HMGB1: variants seen among roughly 807,000 people sequenced by gnomAD.
HMGB1 encodes high mobility group box 1.
For synonymous variants in HMGB1, 81 were observed against 84.0 expected, an observed-to-expected ratio of 0.96 and a Z score of 0.19; for missense variants, 79 against 253.5, an observed-to-expected ratio of 0.31 and a Z score of 4.67.
At chr13:30,466,349 C>T (rs1484353410), upstream of HMGB1, among the ~76,000 whole-genome samples, 3 of 151,668 alleles carry the variant, frequency 2.0e-5, no homozygotes, top group Non-Finnish European at 4.4e-5. Flanking sequence ...GATAAGAGGC[C>T]CCAGGCTTTT....
At chr13:30,475,196 C>T (rs1321117503) in intron 1 of HMGB1, among the ~76,000 whole-genome samples, 1 of 110,148 alleles carries the variant, frequency 9.1e-6, no homozygotes, top group African/African-American at 3.7e-5. Flanking sequence ...TGCAGTGATG[C>T]GACTTCAGCT....
chr13:30,554,930 T>A (rs1869610661), intron 1 of HMGB1, among the ~76,000 whole-genome samples: 1 of 151,956 alleles, frequency 6.6e-6, no homozygotes. Flanking sequence ...CCTTCTAGAT[T>A]GCCTCACAGT....
intron 1 of HMGB1, among the ~76,000 whole-genome samples, chr13:30,603,097 G>A (rs530128516): frequency 1.3e-4 from 20 of 152,276 alleles, no homozygotes; most frequent in Admixed American, 5.2e-4. Flanking sequence ...ATAAGCCACC[G>A]TGCAGCCTTA....
chr13:30,534,263 T>G (rs1233915776), intron 1 of HMGB1, among the ~76,000 whole-genome samples: 1 of 152,234 alleles, frequency 6.6e-6, no homozygotes, highest in South Asian at 2.1e-4. Flanking sequence ...CCATTTCCCC[T>G]GCTCACTCAG....
chr13:30,504,416 T>C (rs1396787373), intron 1 of HMGB1, among the ~76,000 whole-genome samples: 3 of 152,268 alleles, frequency 2.0e-5, no homozygotes, highest in Non-Finnish European at 2.9e-5. Context: ...TTCAGTGCTC[T>C]GATACTTCTT....
At chr13:30,525,903 C>T (rs1888355982) in intron 1 of HMGB1, among the ~76,000 whole-genome samples, 1 of 152,042 alleles carries the variant, frequency 6.6e-6, no homozygotes, top group African/African-American at 2.4e-5. Flanking sequence ...CGTCATGTTG[C>T]CCAGGCTGGT....
intron 1 of HMGB1, among the ~76,000 whole-genome samples, chr13:30,518,846 C>CA (rs58109089): frequency 0.092 from 8,202 of 88,856 alleles, 350 homozygotes; most frequent in African/African-American, 0.16. Context: ...GCTGGGACCA[C>CA]AAAAAAAAAA....
In HMGB1 at chr13:30,601,509, G is replaced by A. The variant is rs1270753121; in HGVS notation, c.-15+15162C>T. Among the ~76,000 whole-genome samples the A allele has an allele frequency of 1.6e-3, 61 of 38,534 alleles. 15 individuals carry two copies. Among genetic ancestry groups the A allele is most frequent in the Non-Finnish European group, 2.7e-3 (58 of 21,616 alleles). The allele number at this position is 38,534 out of a possible 152,430, so 25.3% of individuals were successfully genotyped here. A position where few individuals can be genotyped will look rare whatever the true frequency, so the allele number is the denominator to read the frequency against. ...GCCTGTAATCCCAGCACTTTGGGAG[G>A]CCGAGGCGGGCGGATCACGAGGTCA... On this transcript the variant is annotated intron_variant, in intron 1 of 4. Coordinates refer to the HMGB1 transcript ENST00000405805.
chr13:30,613,903 A>G (rs1207956059), intron 1 of HMGB1, among the ~76,000 whole-genome samples: 1 of 152,168 alleles, frequency 6.6e-6, no homozygotes, highest in Non-Finnish European at 1.5e-5. Flanking sequence ...TGGAAAAAAA[A>G]AACACCTAAA....
intron 1 of HMGB1, among the ~76,000 whole-genome samples, chr13:30,478,769 T>C (rs1240266909): frequency 6.6e-6 from 1 of 152,156 alleles, no homozygotes; most frequent in Non-Finnish European, 1.5e-5. Context: ...TGGGCTCAAG[T>C]GATCTTCCCA....
intron 1 of HMGB1, among the ~76,000 whole-genome samples, chr13:30,518,881 C>T (rs894777197): frequency 6.6e-6 from 1 of 150,634 alleles, no homozygotes; most frequent in African/African-American, 2.4e-5. Flanking sequence ...GCCACCACAC[C>T]CAGCTAATTT....
chr13:30,539,643 A>C (rs1276709647), intron 1 of HMGB1: 1 of 306,506 alleles, frequency 3.3e-6, no homozygotes, highest in East Asian at 1.0e-4. Flanking sequence ...AGGGTCCTGA[A>C]AAGGATTGGT....
At chr13:30,461,604 G>T in intron 4 of HMGB1, 71 bp from the exon 5 acceptor site, 1 of 1,572,360 alleles carries the variant, frequency 6.4e-7, no homozygotes, top group East Asian at 2.3e-5. Context: ...GAACATGGCA[G>T]AACTTTATGA....
chr13:30,487,752 A>T (rs1411433749), intron 1 of HMGB1, among the ~76,000 whole-genome samples: 1 of 152,264 alleles, frequency 6.6e-6, no homozygotes, highest in Non-Finnish European at 1.5e-5. Flanking sequence ...GAAGGAAAAC[A>T]GTATTGCTTG....
At chr13:30,606,507 G>GA (rs1377053646) in intron 1 of HMGB1, among the ~76,000 whole-genome samples, 2 of 152,238 alleles carry the variant, frequency 1.3e-5, no homozygotes, top group South Asian at 2.1e-4. Flanking sequence ...AAAGCAAAAT[G>GA]AATTTCCTAA....
chr13:30,597,857 A>G (rs1423331036), intron 1 of HMGB1, among the ~76,000 whole-genome samples: 1 of 152,134 alleles, frequency 6.6e-6, no homozygotes, highest in East Asian at 1.9e-4. Flanking sequence ...CCTGGTGTGT[A>G]GGGTTAACAA....
chr13:30,514,154 A>G (rs1234623304), intron 1 of HMGB1, among the ~76,000 whole-genome samples: 1 of 151,982 alleles, frequency 6.6e-6, no homozygotes, highest in Non-Finnish European at 1.5e-5. Flanking sequence ...ACTGGTTCTT[A>G]TCTATAAAAT....
intron 1 of HMGB1, among the ~76,000 whole-genome samples, chr13:30,471,325 G>T (rs1189811159): frequency 1.3e-5 from 2 of 151,894 alleles, no homozygotes; most frequent in Non-Finnish European, 2.9e-5. Flanking sequence ...CAAACCAATG[G>T]TTGGTTTTTT....
At chr13:30,463,838 T>C in intron 1 of HMGB1, 144 bp from the exon 2 acceptor site, 1 of 598,306 alleles carries the variant, frequency 1.7e-6, no homozygotes, top group Non-Finnish European at 2.8e-6. Context: ...GACAAGAATA[T>C]GGCCGAGAGA....
Sources: allele counts gnomAD v4.1 joint callset (sites outside exome capture counted in the v4.1 genomes callset), GRCh38; gene constraint gnomAD v4.1.1; transcripts MANE v1.5; gene names NCBI Gene and HGNC (gene_info 2026-07-23, HGNC 2026-07-21).